STARD6: variants seen among roughly 807,000 people sequenced by gnomAD.
STARD6 encodes the protein stAR-related lipid transfer protein 6.
Under a neutral mutation model 22.3 loss-of-function variants are expected in STARD6, and 21 were observed. The observed-to-expected ratio is 0.94, with a 90% CI of 0.67 to 1.35. STARD6 has a LOEUF of 1.35. STARD6 is among the 40% of genes most tolerant of loss of function. The pLI is 0.00. For missense variants in STARD6, 269 were observed against 266.9 expected (o/e 1.01, Z -0.05); for synonymous variants, 80 against 88.1 (o/e 0.91, Z 0.52).
rs73476816 is a variant in STARD6 at position 54,354,699 on chromosome 18, T to G, written c.-4-122A>C. ...TCACATAGAAATGAACATAATTACT[T>G]GATGAATGCATGTATGCATGAACCC... On this transcript the variant is annotated intron_variant, in intron 2 of 7. Coordinates refer to ENST00000307844, the MANE Select transcript of STARD6 (RefSeq NM_139171.2). 2,150 of 674,332 alleles carry G rather than the reference T, an allele frequency of 3.2e-3. 39 individuals are homozygous for G. In the African/African-American group the frequency reaches 0.034, roughly 11 times the overall value. 41.8% of individuals were successfully genotyped at this position (674,332 alleles called of 1,614,324 possible).
chr18:54,324,828 C>T lies in STARD6; in HGVS notation c.527G>A (p.Arg176Lys), dbSNP rs1406882734. 4 of 1,603,072 alleles carry T rather than the reference C, an allele frequency of 2.5e-6. No individual in the cohort carries two copies. The highest frequency in any genetic ancestry group is 1.1e-5 in the South Asian group (1 of 89,130). The change falls in exon 8 of 8, where the codon AGA becomes AAA. Residue 176 changes from arginine (R) to lysine (K), a missense_variant. Transcript: ENST00000307844. ...KLVMFVQTEM[R>K]GKLSPSIIEK... ...AATTATTGATGGGGACAATTTTCCT[C>T]TCATTTCTGTCTGGACAAACATCAC...
intron 4 of STARD6, among the ~76,000 whole-genome samples, chr18:54,341,089 T>A (rs1391996906): frequency 6.6e-6 from 1 of 152,206 alleles, no homozygotes; most frequent in Non-Finnish European, 1.5e-5. Context: ...AGAGTCTTGC[T>A]CTGTTGCCCA....
At chr18:54,338,703 A>C (rs965452824) in intron 4 of STARD6, among the ~76,000 whole-genome samples, 2 of 152,106 alleles carry the variant, frequency 1.3e-5, no homozygotes, top group Non-Finnish European at 2.9e-5. Flanking sequence ...AACAGCAAGC[A>C]GGAGAAACTA....
At chr18:54,347,806 A>T (rs1392418408) in intron 4 of STARD6, among the ~76,000 whole-genome samples, 1 of 152,070 alleles carries the variant, frequency 6.6e-6, no homozygotes, top group Non-Finnish European at 1.5e-5. Context: ...AACTTTATTA[A>T]TTACATTTGT....
At chr18:54,349,292 A>G (rs529651745) in intron 4 of STARD6, among the ~76,000 whole-genome samples, 32 of 152,136 alleles carry the variant, frequency 2.1e-4, no homozygotes, top group Non-Finnish European at 4.0e-4. Flanking sequence ...TTGAACATAA[A>G]AATGACATTA....
chr18:54,327,541 C>A (rs1446620843), intron 7 of STARD6, among the ~76,000 whole-genome samples: 3 of 152,008 alleles, frequency 2.0e-5, no homozygotes, highest in Non-Finnish European at 4.4e-5. Context: ...TGGTGGGTTT[C>A]AAGTTATGGT....
intron 4 of STARD6, among the ~76,000 whole-genome samples, chr18:54,347,482 T>C (rs984376570): frequency 6.6e-6 from 1 of 152,108 alleles, no homozygotes; most frequent in African/African-American, 2.4e-5. Flanking sequence ...TGAAATGACC[T>C]AATATAAACC....
At chr18:54,328,057 C>T (rs1204335316) in intron 7 of STARD6, among the ~76,000 whole-genome samples, 3 of 152,044 alleles carry the variant, frequency 2.0e-5, no homozygotes, top group East Asian at 1.9e-4. Flanking sequence ...GCCACCCACC[C>T]GTTAGTCACT....
At chr18:54,354,605 T>C in intron 2 of STARD6, 28 bp from the exon 3 acceptor site, 1 of 1,516,932 alleles carries the variant, frequency 6.6e-7, no homozygotes, top group Non-Finnish European at 9.1e-7. Context: ...AAACAACTGG[T>C]AAGAATATAA....
At chr18:54,357,146 T>C (rs564207459) in intron 1 of STARD6, 1 of 152,332 alleles carries the variant, frequency 6.6e-6, no homozygotes. Flanking sequence ...AAAATAAACA[T>C]AAACCAACAT....
intron 5 of STARD6, 78 bp from the exon 6 acceptor site, chr18:54,331,937 T>C (rs896162769): frequency 2.1e-6 from 2 of 944,806 alleles, no homozygotes; most frequent in Non-Finnish European, 3.2e-6. Context: ...CCAAATTTTA[T>C]TGCATATGAT....
At chr18:54,342,692 AC>A (rs1409519993) in intron 4 of STARD6, among the ~76,000 whole-genome samples, 3 of 94,480 alleles carry the variant, frequency 3.2e-5, no homozygotes, top group African/African-American at 1.7e-4. Context: ...CCAGCCCCTA[AC>A]CGCGAGTGAT....
intron 4 of STARD6, among the ~76,000 whole-genome samples, chr18:54,347,412 T>C (rs747147723): frequency 5.9e-5 from 9 of 152,102 alleles, no homozygotes; most frequent in Admixed American, 4.6e-4. Context: ...ATGTTAATGG[T>C]TGTGGAGTTA....
chr18:54,335,822 A>T lies in STARD6; in HGVS notation c.267+1303T>A, dbSNP rs563764371. 2.6e-5 allele frequency among the ~76,000 whole-genome samples: 4 copies of T among 152,230 alleles called. No individual in the cohort carries two copies. The East Asian group carries it at 7.7e-4, about 29-fold the overall frequency. The stretch of plus-strand genomic sequence containing the variant: ...AAGAGTTACCTGTTACCTCATGCCA[A>T]GGTGTTCCCCTTCACCTTCTGCCAT... On this transcript the variant is annotated intron_variant, in intron 5 of 7. Coordinates refer to ENST00000307844, the MANE Select transcript of STARD6 (RefSeq NM_139171.2).
rs775127085 is a variant in STARD6, at chr18:54,337,216, G to A, written c.176C>T (p.Ala59Val). Residue 59 changes from alanine (A) to valine (V), a missense_variant, in exon 5 of 8, where the codon GCT becomes GTT. By Grantham distance (64) the Ala-to-Val change is moderately conservative. Coordinates refer to ENST00000307844, the MANE Select transcript of STARD6 (RefSeq NM_139171.2). ...RVEGIIPESP[A>V]KLSDFLYQTG... ...TTGGTAGAGGAAATCAGATAGTTTA[G>A]CTGGTGATTCTGGAATTATCCCTTC... 1.2e-6 allele frequency: 2 copies of A among 1,613,282 alleles called. No individual in the cohort carries two copies. The highest frequency in any genetic ancestry group is 4.5e-5 in the East Asian group (2 of 44,762).
At chr18:54,335,131 G>A (rs2088896395) in intron 5 of STARD6, among the ~76,000 whole-genome samples, 1 of 152,094 alleles carries the variant, frequency 6.6e-6, no homozygotes, top group African/African-American at 2.4e-5. Flanking sequence ...TACATTAATG[G>A]AAGAGAGGAG....
chr18:54,332,338 TA>T (rs1599297369), intron 5 of STARD6, among the ~76,000 whole-genome samples: 3 of 152,344 alleles, frequency 2.0e-5, no homozygotes, highest in South Asian at 2.1e-4. Flanking sequence ...TTGAATGGCC[TA>T]ACTGCACATT....
chr18:54,339,003 G>A (rs530718797), intron 4 of STARD6, among the ~76,000 whole-genome samples: 146 of 120,696 alleles, frequency 1.2e-3, no homozygotes, highest in Middle Eastern at 7.7e-3. Flanking sequence ...AGCCGAGATC[G>A]TGCCACTGCA....
rs370461898 is a variant in STARD6, at chr18:54,339,281, A to C, written c.141-2030T>G. ...GTGAGACCCGTCTCTCAAAACAAGA[A>C]AGGATAGAGAAAAAGAAAAATATGC... On this transcript the variant is annotated intron_variant, in intron 4 of 7. Coordinates refer to ENST00000307844, the MANE Select transcript of STARD6 (RefSeq NM_139171.2). Among the ~76,000 whole-genome samples, 74 of 151,812 alleles carry C rather than the reference A, an allele frequency of 4.9e-4. 2 individuals are homozygous for C. The South Asian group carries it at 0.015, about 31-fold the overall frequency.
Sources: gnomAD v4.1 joint callset for allele counts (sites outside exome capture counted in the v4.1 genomes callset) on GRCh38, gnomAD v4.1.1 for gene constraint, MANE v1.5 for transcripts, NCBI Gene and HGNC (gene_info 2026-07-23, HGNC 2026-07-21) for gene names.